Variants in CELF1 observed in about 807,000 individuals in gnomAD.
CELF1 encodes 50 kDa nuclear polyadenylated RNA-binding protein.
A neutral mutation model predicts 61.8 loss-of-function variants in CELF1; 10 were observed. The observed-to-expected ratio is 0.16, with a 90% CI of 0.10 to 0.27. The LOEUF (loss-of-function observed/expected upper bound fraction) is 0.27, where lower values mean the gene tolerates loss of function less well. CELF1 is among the 10% of genes least tolerant of loss of function. CELF1 has a pLI of 1.00. For missense variants in CELF1, 380 were observed against 639.1 expected (o/e 0.59, Z 4.37); for synonymous variants, 236 against 225.1 (o/e 1.05, Z -0.43).
chr11:47,481,592 A>C (rs549973218), intron 9 of CELF1, among the ~76,000 whole-genome samples: 1 of 152,312 alleles, frequency 6.6e-6, no homozygotes, highest in East Asian at 1.9e-4. Flanking sequence ...TTCTATGTGA[A>C]TATTTTTGTA....
chr11:47,495,297 T>C (rs1193575251), intron 3 of CELF1, among the ~76,000 whole-genome samples: 1 of 152,158 alleles, frequency 6.6e-6, no homozygotes, highest in Non-Finnish European at 1.5e-5. Context: ...AAAGGCCACA[T>C]AGTATATGTT....
intron 1 of CELF1, among the ~76,000 whole-genome samples, chr11:47,504,634 C>T (rs763980522): frequency 4.2e-5 from 6 of 141,542 alleles, no homozygotes; most frequent in Non-Finnish European, 9.8e-5. Context: ...GGCGCGGTGG[C>T]TCACCGCCTC....
chr11:47,563,961 C>T (rs192075993), intron 2 of CELF1, among the ~76,000 whole-genome samples: 17 of 151,390 alleles, frequency 1.1e-4, no homozygotes, highest in African/African-American at 3.6e-4. Flanking sequence ...GCTGAGATCA[C>T]GCCATTGCAC....
At chr11:47,531,889 T>C (rs958297478) in intron 1 of CELF1, among the ~76,000 whole-genome samples, 10 of 152,232 alleles carry the variant, frequency 6.6e-5, no homozygotes, top group African/African-American at 2.2e-4. Flanking sequence ...GGCATTATCT[T>C]TTCCAAGTTC....
chr11:47,528,516 C>T (rs1006587427), intron 1 of CELF1, among the ~76,000 whole-genome samples: 4 of 151,856 alleles, frequency 2.6e-5, no homozygotes, highest in Non-Finnish European at 4.4e-5. Context: ...TTTGGGAGGC[C>T]GAGGTGGGAG....
At chr11:47,559,052 AAT>A (rs931160789) in intron 2 of CELF1, among the ~76,000 whole-genome samples, 26 of 143,260 alleles carry the variant, frequency 1.8e-4, no homozygotes, top group South Asian at 2.1e-4. Flanking sequence ...ATAATAATAT[AAT>A]ATGTTATATA....
At chr11:47,481,944 T>C (rs951812577) in intron 9 of CELF1, among the ~76,000 whole-genome samples, 1 of 152,214 alleles carries the variant, frequency 6.6e-6, no homozygotes, top group African/African-American at 2.4e-5. Context: ...GGCTCACACC[T>C]GTAAACCCAG....
intron 14 of CELF1, among the ~76,000 whole-genome samples, chr11:47,472,860 C>T (rs1485303038): frequency 6.6e-6 from 1 of 152,134 alleles, no homozygotes; most frequent in African/African-American, 2.4e-5. Context: ...TTTTTGCAAA[C>T]CATTTTCCAT....
chr11:47,551,431 T>G (rs2097134402), intron 1 of CELF1, among the ~76,000 whole-genome samples: 1 of 152,220 alleles, frequency 6.6e-6, no homozygotes, highest in South Asian at 2.1e-4. Flanking sequence ...AACCACATAC[T>G]AGGTAAGTAA....
At chr11:47,491,313 C>A (rs974970591) in intron 3 of CELF1, among the ~76,000 whole-genome samples, 1 of 151,290 alleles carries the variant, frequency 6.6e-6, no homozygotes, top group African/African-American at 2.4e-5. Context: ...CAGGTATGCG[C>A]CACCATGCCT....
intron 3 of CELF1, among the ~76,000 whole-genome samples, chr11:47,496,868 G>C (rs1273821689): frequency 6.6e-6 from 1 of 152,210 alleles, no homozygotes; most frequent in Admixed American, 6.5e-5. Context: ...GACAGGTTTG[G>C]AGTTTATTCC....
upstream of CELF1, among the ~76,000 whole-genome samples, chr11:47,554,765 A>G (rs997308977): frequency 3.3e-5 from 5 of 151,064 alleles, no homozygotes; most frequent in African/African-American, 1.2e-4. Flanking sequence ...AGGTTCAAGC[A>G]ATTCTCCTGC....
chr11:47,503,430 G>A (rs972213509), intron 1 of CELF1, among the ~76,000 whole-genome samples: 11 of 152,286 alleles, frequency 7.2e-5, no homozygotes, highest in African/African-American at 2.4e-4. Flanking sequence ...ATCTAAGTAT[G>A]TTTGAAAGGG....
rs193226991 is a variant in CELF1, at chr11:47,490,463, A to C, written c.72-1439T>G. On this transcript the variant is annotated intron_variant, in intron 3 of 14. Coordinates refer to ENST00000687097, the MANE Select transcript of CELF1 (RefSeq NM_001376376.1). ...TTTTTTGAGGCTGACTTTCACTCTT[A>C]TTGCCCAGGCTGGAGTGCAATGGCA... is the stretch of plus-strand genomic sequence containing the variant. Among the ~76,000 whole-genome samples the C allele has an allele frequency of 6.5e-3, 716 of 110,216 alleles. 2 individuals carry two copies. Among genetic ancestry groups the C allele is most frequent in the African/African-American group, 0.024 (688 of 29,078 alleles). 72.3% of individuals were successfully genotyped at this position (110,216 alleles called of 152,430 possible). A position where few individuals can be genotyped will look rare whatever the true frequency, so the allele number is the denominator to read the frequency against.
intron 1 of CELF1, among the ~76,000 whole-genome samples, chr11:47,533,023 T>G (rs181515024): frequency 1.3e-5 from 2 of 152,018 alleles, no homozygotes; most frequent in African/African-American, 4.8e-5. Flanking sequence ...AGCAAAGAGG[T>G]TGTTACCATG....
chr11:47,530,618 T>A (rs1014079431), intron 1 of CELF1, among the ~76,000 whole-genome samples: 11 of 152,124 alleles, frequency 7.2e-5, no homozygotes, highest in Admixed American at 7.2e-4. Flanking sequence ...GACAAAAGGA[T>A]GGCTGTGAGA....
chr11:47,500,281 C>A (rs745561948), intron 2 of CELF1, among the ~76,000 whole-genome samples: 4 of 151,860 alleles, frequency 2.6e-5, no homozygotes, highest in Non-Finnish European at 5.9e-5. Flanking sequence ...ATGGTTAGAG[C>A]AAGGTGTGCT....
chr11:47,481,099 C>CTTA (rs2082887179), intron 9 of CELF1, among the ~76,000 whole-genome samples: 1 of 62,294 alleles, frequency 1.6e-5, no homozygotes, highest in Non-Finnish European at 3.2e-5. Flanking sequence ...TTTTTTTCTT[C>CTTA]TTCTTTTTTT....
chr11:47,552,567 A>C (rs772219511), intron 1 of CELF1, among the ~76,000 whole-genome samples: 19 of 152,188 alleles, frequency 1.2e-4, no homozygotes, highest in Non-Finnish European at 2.4e-4. Context: ...AGGAGTGGAC[A>C]CTAAGAACAC....
Sources: gnomAD v4.1 joint callset for allele counts (sites outside exome capture counted in the v4.1 genomes callset) on GRCh38, gnomAD v4.1.1 for gene constraint, MANE v1.5 for transcripts, NCBI Gene and HGNC (gene_info 2026-07-23, HGNC 2026-07-21) for gene names.